AGPAT4: variants seen among roughly 807,000 people sequenced by gnomAD.
The protein encoded by AGPAT4 is 1-acylglycerol-3-phosphate O-acyltransferase 4.
A neutral mutation model predicts 48.0 loss-of-function variants in AGPAT4; 15 were observed. The ratio of observed to expected loss-of-function variants is 0.31; its 90% CI spans 0.21 to 0.48. The LOEUF (loss-of-function observed/expected upper bound fraction) is 0.48, where lower values mean the gene tolerates loss of function less well. Among genes scored for constraint, AGPAT4 ranks in the 20% least tolerant of loss-of-function variants. The probability of loss-of-function intolerance (pLI) is 0.99; values close to 1 mark genes in which losing one functional copy is unlikely to be tolerated. For synonymous variants in AGPAT4, 178 were observed against 198.7 expected (o/e 0.90, Z 0.88); for missense variants, 314 against 482.5 (o/e 0.65, Z 3.27).
At position 161,267,927 on chromosome 6, in the gene AGPAT4, T is replaced by C. The variant is rs34799296; in HGVS notation, c.-90+6011A>G. ...AAAACTAAAAAATAAATTTACCACA[T>C]ATCTGTTATGTGCCAGGCTCTGCAC... On this transcript the variant is annotated intron_variant, in intron 1 of 8. Transcript: ENST00000320285. This position sits in a 1 kb window ranked among gnomAD's most constrained non-coding sequence, Gnocchi z 5.2. 0.37 allele frequency among the ~76,000 whole-genome samples: 56,132 copies of C among 151,886 alleles called. 13,117 individuals are homozygous for C. Among genetic ancestry groups the C allele is most frequent in the African/African-American group, 0.67 (27,785 of 41,406 alleles).
rs1036014074 is a variant in AGPAT4 at position 161,223,133 on chromosome 6, T to A, written c.178+8903A>T. On this transcript the variant is annotated intron_variant, in intron 2 of 8. Transcript: ENST00000320285. This position sits in a 1 kb window ranked among gnomAD's most constrained non-coding sequence, Gnocchi z 6.3. ...TCACTGCTCTACCATGCTGGGTCTA[T>A]GAGCCTTCTCCACTAGACTGGGTCC... 3.3e-5 allele frequency among the ~76,000 whole-genome samples: 5 copies of A among 152,160 alleles called. No individual in the cohort carries two copies. The highest frequency in any genetic ancestry group is 1.2e-4 in the African/African-American group (5 of 41,448).
At position 161,184,483 on chromosome 6, in the gene AGPAT4, G is replaced by A. The variant is rs1402177955; in HGVS notation, c.179-18066C>T. On this transcript the variant is annotated intron_variant, in intron 2 of 8. Coordinates refer to ENST00000320285, the MANE Select transcript of AGPAT4 (RefSeq NM_020133.3). The surrounding 1 kb of genome is among the most constrained non-coding windows in gnomAD (Gnocchi z 4.8). Reference sequence around the variant, plus strand: ...GGTGATGGAGGAGTCTGGCATTTGGGTTTGAACACATCAGTCATCCTTGGC... The same window carrying A: ...GGTGATGGAGGAGTCTGGCATTTGGATTTGAACACATCAGTCATCCTTGGC... 6.6e-6 allele frequency among the ~76,000 whole-genome samples: 1 copy of A among 151,990 alleles called. No individual in the cohort carries two copies. Among genetic ancestry groups the A allele is most frequent in the Non-Finnish European group, 1.5e-5 (1 of 67,992 alleles).
In AGPAT4 at chr6:161,140,825, T is replaced by C. The variant is rs1401805716; in HGVS notation, c.844-1205A>G. Among the ~76,000 whole-genome samples, 1 of 152,182 alleles carries C rather than the reference T, an allele frequency of 6.6e-6. No homozygotes were observed. Among genetic ancestry groups the C allele is most frequent in the Non-Finnish European group, 1.5e-5 (1 of 68,030 alleles). ...CCAGGTTGTATGGTGGGCAGCTGCC[T>C]CAGCTATTGTAAAAGCTGCACGTGG... is the stretch of plus-strand genomic sequence containing the variant. On this transcript the variant is annotated intron_variant, in intron 7 of 8. Transcript: ENST00000320285. This position sits in a 1 kb window ranked among gnomAD's most constrained non-coding sequence, Gnocchi z 6.5.
chr6:161,249,675 G>T lies in AGPAT4; in HGVS notation c.-89-17373C>A, dbSNP rs555705257. ...GTCAAAAAATAACACATGCTGGTGA[G>T]GTTGCAGAGAAAAAGGAACACATAC... On this transcript the variant is annotated intron_variant, in intron 1 of 8. Transcript: ENST00000320285. This position sits in a 1 kb window ranked among gnomAD's most constrained non-coding sequence, Gnocchi z 6.2. 3.3e-5 allele frequency among the ~76,000 whole-genome samples: 5 copies of T among 152,274 alleles called. No individual in the cohort carries two copies. Among genetic ancestry groups the T allele is most frequent in the African/African-American group, 1.2e-4 (5 of 41,552 alleles).
At chr6:161,150,345 C>T (rs1779553404) in intron 5 of AGPAT4, among the ~76,000 whole-genome samples, 1 of 152,174 alleles carries the variant, frequency 6.6e-6, no homozygotes, top group African/African-American at 2.4e-5. Context: ...AGAAGGGAGC[C>T]TCTGTCACAC....
At position 161,242,243 on chromosome 6, in the gene AGPAT4, C is replaced by A. The variant is rs1324046420; in HGVS notation, c.-89-9941G>T. 1.3e-5 allele frequency among the ~76,000 whole-genome samples: 2 copies of A among 152,174 alleles called. No individual in the cohort carries two copies. The highest frequency in any genetic ancestry group is 2.4e-5 in the African/African-American group (1 of 41,434). On this transcript the variant is annotated intron_variant, in intron 1 of 8. Coordinates refer to ENST00000320285, the MANE Select transcript of AGPAT4 (RefSeq NM_020133.3). The surrounding 1 kb of genome is among the most constrained non-coding windows in gnomAD (Gnocchi z 5.0). ...GGCTAATGGTGAGTAACTGTGGGGG[C>A]CCGGCCTGGGCCAGTCTCACGCTTT...
Position 161,221,870 on chromosome 6 carries a change from G to C in AGPAT4, c.178+10166C>G, listed in dbSNP as rs1157556911. Among the ~76,000 whole-genome samples, 1 of 152,200 alleles carries C rather than the reference G, an allele frequency of 6.6e-6. No individual in the cohort carries two copies. The highest frequency in any genetic ancestry group is 2.4e-5 in the African/African-American group (1 of 41,444). ...CCACATTTTATAAAGACGCAGTCTT[G>C]TGGGATTAGGGCATACCCTAATGGC... On this transcript the variant is annotated intron_variant, in intron 2 of 8. Transcript: ENST00000320285. The surrounding 1 kb of genome is among the most constrained non-coding windows in gnomAD (Gnocchi z 4.5).
rs6923835 is a variant in AGPAT4, at chr6:161,130,484, A to G, written c.*6056T>C. 0.92 allele frequency: 148,933 copies of G among 161,802 alleles called. 68,699 individuals are homozygous for G. The highest frequency in any genetic ancestry group is 0.99 in the East Asian group (5,893 of 5,968). 10.0% of individuals were successfully genotyped at this position (161,802 alleles called of 1,614,324 possible). ...CTCCAGGTCTGTTTCCTCAAAGATC[A>G]TCCCTTAGTGGGTCACAGTAATCAT... is the stretch of plus-strand genomic sequence containing the variant. On this transcript the variant is annotated 3_prime_UTR_variant, in exon 9 of 9. Coordinates refer to ENST00000320285, the MANE Select transcript of AGPAT4 (RefSeq NM_020133.3).
chr6:161,182,120 T>C (rs1356653670), intron 2 of AGPAT4, among the ~76,000 whole-genome samples: 1 of 152,018 alleles, frequency 6.6e-6, no homozygotes, highest in African/African-American at 2.4e-5. Flanking sequence ...AAGCAGATTC[T>C]TGATGACACC....
In AGPAT4 at chr6:161,138,701, C is replaced by T. The variant is rs937949323; in HGVS notation, c.1042+721G>A. ...ATCTCTGTGTGCTTGGACAATGTGC[C>T]GTCTCTCCCGGGCTCTCCAAAGCCT... On this transcript the variant is annotated intron_variant, in intron 8 of 8. Transcript: ENST00000320285. This position sits in a 1 kb window ranked among gnomAD's most constrained non-coding sequence, Gnocchi z 4.8. Among the ~76,000 whole-genome samples the T allele has an allele frequency of 9.9e-5, 15 of 152,238 alleles. No individual in the cohort carries two copies. Among genetic ancestry groups the T allele is most frequent in the African/African-American group, 2.9e-4 (12 of 41,560 alleles).
Position 161,204,319 on chromosome 6 carries a change from C to G in AGPAT4, c.178+27717G>C, listed in dbSNP as rs1781320411. On this transcript the variant is annotated intron_variant, in intron 2 of 8. Transcript: ENST00000320285. The surrounding 1 kb of genome is among the most constrained non-coding windows in gnomAD (Gnocchi z 4.4). ...TTGAGGAGATGATCTCTAAGTTGGC[C>G]CGAATACATTTTCAATCACTGCATT... Among the ~76,000 whole-genome samples the G allele has an allele frequency of 6.6e-6, 1 of 151,930 alleles. No individual in the cohort carries two copies. The highest frequency in any genetic ancestry group is 2.1e-4 in the South Asian group (1 of 4,824).
In AGPAT4 at chr6:161,189,694, T is replaced by G. The variant is rs1406849693; in HGVS notation, c.179-23277A>C. On this transcript the variant is annotated intron_variant, in intron 2 of 8. Coordinates refer to ENST00000320285, the MANE Select transcript of AGPAT4 (RefSeq NM_020133.3). The surrounding 1 kb of genome is among the most constrained non-coding windows in gnomAD (Gnocchi z 5.3). Reference sequence around the variant, plus strand: ...CCTCCATCAGTCTCTGGCCCCCTCTTCCACCTCACTGTCTCCACCTGCCCC... The same window carrying G: ...CCTCCATCAGTCTCTGGCCCCCTCTGCCACCTCACTGTCTCCACCTGCCCC... Among the ~76,000 whole-genome samples the G allele has an allele frequency of 6.6e-6, 1 of 152,030 alleles. No individual in the cohort carries two copies. Among genetic ancestry groups the G allele is most frequent in the East Asian group, 1.9e-4 (1 of 5,182 alleles).
At chr6:161,181,228 A>G (rs1208919458) in intron 2 of AGPAT4, among the ~76,000 whole-genome samples, 1 of 152,190 alleles carries the variant, frequency 6.6e-6, no homozygotes, top group African/African-American at 2.4e-5. Flanking sequence ...CAGCAGCCCA[A>G]TGCGTCTCTT....
At position 161,217,604 on chromosome 6, in the gene AGPAT4, A is replaced by C. The variant is rs1781685185; in HGVS notation, c.178+14432T>G. Among the ~76,000 whole-genome samples, 1 of 152,232 alleles carries C rather than the reference A, an allele frequency of 6.6e-6. No individual in the cohort carries two copies. The highest frequency in any genetic ancestry group is 2.1e-4 in the South Asian group (1 of 4,830). ...GCTCTAGTTGGAGACATAGGTATAT[A>C]TAATCTGTTCCTTTCCATTTAAAGA... On this transcript the variant is annotated intron_variant, in intron 2 of 8. Coordinates refer to ENST00000320285, the MANE Select transcript of AGPAT4 (RefSeq NM_020133.3). This position sits in a 1 kb window ranked among gnomAD's most constrained non-coding sequence, Gnocchi z 4.9.
At chr6:161,213,535 T>A (rs1377411403) in intron 2 of AGPAT4, among the ~76,000 whole-genome samples, 3 of 152,210 alleles carry the variant, frequency 2.0e-5, no homozygotes, top group Non-Finnish European at 2.9e-5. Context: ...TTTTTCCCAA[T>A]TTTTCCTAAT....
rs1782133256 is a variant in AGPAT4, at chr6:161,231,906, C to T, written c.178+130G>A. 4.3e-6 allele frequency: 4 copies of T among 940,516 alleles called. No individual in the cohort carries two copies. The highest frequency in any genetic ancestry group is 4.5e-6 in the Non-Finnish European group (3 of 667,226). The allele number at this position is 940,516 out of a possible 1,614,324, so 58.3% of individuals were successfully genotyped here. A position where few individuals can be genotyped will look rare whatever the true frequency, so the allele number is the denominator to read the frequency against. Reference sequence around the variant, plus strand: ...TTGAGAACAAAATAGCCATTTCAAACCTAAAACAAAAACAAAACAAAAAAA... The same window carrying T: ...TTGAGAACAAAATAGCCATTTCAAATCTAAAACAAAAACAAAACAAAAAAA... On this transcript the variant is annotated intron_variant, in intron 2 of 8. Coordinates refer to ENST00000320285, the MANE Select transcript of AGPAT4 (RefSeq NM_020133.3). The surrounding 1 kb of genome is among the most constrained non-coding windows in gnomAD (Gnocchi z 5.3).
At position 161,270,281 on chromosome 6, in the gene AGPAT4, C is replaced by T. The variant is rs1783384660; in HGVS notation, c.-90+3657G>A. Among the ~76,000 whole-genome samples the T allele has an allele frequency of 6.6e-6, 1 of 152,190 alleles. No individual in the cohort carries two copies. Among genetic ancestry groups the T allele is most frequent in the Admixed American group, 6.5e-5 (1 of 15,282 alleles). ...CCTACAGCCTGGCAGCCACTGCAGACCTTCCCAAGCCCATGCATGAAGCCA... is the reference window on the plus strand; with the variant it reads ...CCTACAGCCTGGCAGCCACTGCAGATCTTCCCAAGCCCATGCATGAAGCCA... On this transcript the variant is annotated intron_variant, in intron 1 of 8. Transcript: ENST00000320285. The surrounding 1 kb of genome is among the most constrained non-coding windows in gnomAD (Gnocchi z 5.3).
At position 161,155,104 on chromosome 6, in the gene AGPAT4, G is replaced by A. The variant is rs377342863; in HGVS notation, c.349-794C>T. 5.9e-5 allele frequency among the ~76,000 whole-genome samples: 9 copies of A among 152,258 alleles called. No homozygotes were observed. The highest frequency in any genetic ancestry group is 4.1e-4 in the South Asian group (2 of 4,828). On this transcript the variant is annotated intron_variant, in intron 3 of 8. Coordinates refer to ENST00000320285, the MANE Select transcript of AGPAT4 (RefSeq NM_020133.3). The surrounding 1 kb of genome is among the most constrained non-coding windows in gnomAD (Gnocchi z 5.8). ...CTTCTTGAGGCTGACGCAGGTGCACGAGCTAGGCCCCACAGGTCCCCTCTG... is the reference window on the plus strand; with the variant it reads ...CTTCTTGAGGCTGACGCAGGTGCACAAGCTAGGCCCCACAGGTCCCCTCTG...
chr6:161,265,776 C>T (rs1199013289), intron 1 of AGPAT4, among the ~76,000 whole-genome samples: 3 of 152,134 alleles, frequency 2.0e-5, no homozygotes, highest in African/African-American at 7.2e-5. Context: ...GAGCCTGGCC[C>T]ATTTCCTCAC....
Sources: gnomAD v4.1 joint callset for allele counts (sites outside exome capture counted in the v4.1 genomes callset) on GRCh38, gnomAD v4.1.1 for gene constraint, Gnocchi (gnomAD v3.1) non-coding constraint, MANE v1.5 for transcripts, NCBI Gene and HGNC (gene_info 2026-07-23, HGNC 2026-07-21) for gene names.